The following NTM variants were observed in gnomAD, a reference collection of about 807,000 sequenced individuals.
NTM encodes IgLON family member 2.
NTM carries 13 observed loss-of-function variants against 42.1 expected under a neutral mutation model. The observed-to-expected ratio is 0.31, with a 90% CI of 0.20 to 0.49. The LOEUF is 0.49. NTM is among the 20% of genes least tolerant of loss of function. NTM has a pLI of 0.99. For missense variants in NTM, 373 were observed against 452.8 expected, an observed-to-expected ratio of 0.82 and a Z score of 1.60; for synonymous variants, 187 against 179.2, an observed-to-expected ratio of 1.04 and a Z score of -0.35.
At chr11:131,596,695 T>C (rs2059841737) in intron 1 of NTM, among the ~76,000 whole-genome samples, 1 of 152,238 alleles carries the variant, frequency 6.6e-6, no homozygotes, top group Admixed American at 6.5e-5. Flanking sequence ...CGTGTCCCTG[T>C]CTGGAGCCCT....
At chr11:132,312,462 C>G (rs906586506) in intron 6 of NTM, 2 of 152,670 alleles carry the variant, frequency 1.3e-5, no homozygotes, top group African/African-American at 2.4e-5. Context: ...AATGAAAAGT[C>G]CACAGCTTTG....
intron 2 of NTM, among the ~76,000 whole-genome samples, chr11:131,964,110 G>T (rs189606011): frequency 1.3e-5 from 2 of 152,260 alleles, no homozygotes; most frequent in Admixed American, 6.5e-5. Flanking sequence ...CCAAAGGGCT[G>T]CCCAGAAGAA....
chr11:131,848,021 C>A (rs1360596142), intron 1 of NTM, among the ~76,000 whole-genome samples: 1 of 152,198 alleles, frequency 6.6e-6, no homozygotes, highest in Admixed American at 6.5e-5. Context: ...ACATTTTAAC[C>A]AGTAAGAGAA....
intron 1 of NTM, among the ~76,000 whole-genome samples, chr11:131,768,040 A>AT (rs530588277): frequency 1.6e-4 from 24 of 151,306 alleles, no homozygotes; most frequent in African/African-American, 5.6e-4. Context: ...TAAGTTTTTA[A>AT]TTTTTTTATT....
At chr11:131,443,493 A>C (rs1459870605) in intron 1 of NTM, among the ~76,000 whole-genome samples, 1 of 152,180 alleles carries the variant, frequency 6.6e-6, no homozygotes, top group East Asian at 1.9e-4. Flanking sequence ...TAGTGAGTAC[A>C]TGAGTCAAAC....
intron 1 of NTM, among the ~76,000 whole-genome samples, chr11:131,714,596 T>A (rs2077497833): frequency 6.6e-6 from 1 of 152,222 alleles, no homozygotes; most frequent in Admixed American, 6.5e-5. Context: ...CTCCTGATGG[T>A]CACCTGACAT....
chr11:131,463,158 G>A (rs540161819), intron 1 of NTM, among the ~76,000 whole-genome samples: 32 of 152,194 alleles, frequency 2.1e-4, no homozygotes, highest in Non-Finnish European at 4.3e-4. Flanking sequence ...GGTTACAGGA[G>A]CAACATTCCA....
At chr11:131,796,776 G>A (rs912671883) in intron 1 of NTM, among the ~76,000 whole-genome samples, 2 of 152,290 alleles carry the variant, frequency 1.3e-5, no homozygotes, top group Non-Finnish European at 1.5e-5. Context: ...GGATAGCACA[G>A]TAACAGCAGT....
intron 1 of NTM, among the ~76,000 whole-genome samples, chr11:131,757,990 C>T (rs1195805098): frequency 6.6e-6 from 1 of 152,146 alleles, no homozygotes; most frequent in Non-Finnish European, 1.5e-5. Context: ...CAACAGAACT[C>T]CATTGAATAG....
At chr11:131,913,626 C>A (rs1031028115) in intron 2 of NTM, among the ~76,000 whole-genome samples, 1 of 152,066 alleles carries the variant, frequency 6.6e-6, no homozygotes, top group African/African-American at 2.4e-5. Context: ...TCTGCCGGTC[C>A]CCCTCTCTCT....
intron 8 of NTM, among the ~76,000 whole-genome samples, chr11:132,331,047 C>T (rs923721216): frequency 2.0e-5 from 3 of 152,228 alleles, no homozygotes; most frequent in African/African-American, 2.4e-5. Flanking sequence ...CGGGAAGCAG[C>T]CCAGTGGCAC....
At chr11:132,294,365 C>G (rs993129220) in intron 4 of NTM, among the ~76,000 whole-genome samples, 6 of 152,070 alleles carry the variant, frequency 3.9e-5, no homozygotes, top group Admixed American at 1.3e-4. Flanking sequence ...GAGCTCCTGT[C>G]TGCTCTTGTA....
At chr11:131,425,764 T>A (rs1254737384) in intron 1 of NTM, among the ~76,000 whole-genome samples, 1 of 152,076 alleles carries the variant, frequency 6.6e-6, no homozygotes, top group Non-Finnish European at 1.5e-5. Flanking sequence ...TCATGTAGGA[T>A]CACTGGATAT....
intron 4 of NTM, among the ~76,000 whole-genome samples, chr11:132,288,307 A>G (rs1031421891): frequency 3.9e-5 from 6 of 152,226 alleles, no homozygotes; most frequent in African/African-American, 1.4e-4. Context: ...CAGAAGATTC[A>G]GAAGATTTAC....
chr11:131,915,373 TC>T (rs936352366), intron 2 of NTM, among the ~76,000 whole-genome samples: 65 of 152,300 alleles, frequency 4.3e-4, no homozygotes, highest in African/African-American at 1.5e-3. Context: ...TCTTCTTTCT[TC>T]CCTTGGGCTG....
chr11:132,165,957 A>G (rs2075203534), intron 3 of NTM, among the ~76,000 whole-genome samples: 3 of 152,200 alleles, frequency 2.0e-5, no homozygotes, highest in Admixed American at 2.0e-4. Context: ...TATAAATAAA[A>G]TAATTATTAC....
chr11:131,468,700 G>A (rs1952129955), intron 1 of NTM, among the ~76,000 whole-genome samples: 2 of 152,328 alleles, frequency 1.3e-5, no homozygotes, highest in East Asian at 1.9e-4. Flanking sequence ...TGTCTGTCGA[G>A]TTGTTAACAG....
At chr11:131,919,268 T>G (rs1057131312) in intron 2 of NTM, among the ~76,000 whole-genome samples, 6 of 152,222 alleles carry the variant, frequency 3.9e-5, no homozygotes, top group Non-Finnish European at 8.8e-5. Context: ...AAGGTCATTT[T>G]GCTTCCTCAG....
At chr11:131,556,847 T>C (rs933125632) in intron 1 of NTM, among the ~76,000 whole-genome samples, 1 of 152,222 alleles carries the variant, frequency 6.6e-6, no homozygotes, top group Non-Finnish European at 1.5e-5. Context: ...ATTACAGGCG[T>C]GAGCCACCGC....
Sources: allele counts gnomAD v4.1 joint callset (sites outside exome capture counted in the v4.1 genomes callset), GRCh38; gene constraint gnomAD v4.1.1; transcripts MANE v1.5; gene names NCBI Gene and HGNC (gene_info 2026-07-23, HGNC 2026-07-21).